The following PHLPP1 variants were observed in gnomAD, a reference collection of about 807,000 sequenced individuals.
The protein encoded by PHLPP1 is PH domain leucine-rich repeat-containing protein phosphatase 1.
In PHLPP1, 42 loss-of-function variants were observed where a neutral mutation model predicts 117.2. The ratio of observed to expected loss-of-function variants is 0.36; its 90% CI spans 0.28 to 0.46. The LOEUF (loss-of-function observed/expected upper bound fraction) is 0.46. Among genes scored for constraint, PHLPP1 ranks in the 20% least tolerant of loss-of-function variants. The pLI, the probability that PHLPP1 is intolerant of heterozygous loss-of-function variation, is 1.00. For synonymous variants in PHLPP1, 1,042 were observed against 970.7 expected (o/e 1.07, Z -1.37); for missense variants, 2,084 against 2,241.9 (o/e 0.93, Z 1.42).
intron 1 of PHLPP1, among the ~76,000 whole-genome samples, chr18:62,812,198 G>A (rs1041027886): frequency 3.9e-5 from 6 of 152,108 alleles, no homozygotes; most frequent in East Asian, 1.9e-4. Flanking sequence ...TTTTTTCACC[G>A]TTTGAAGAGA....
At chr18:62,961,800 A>G (rs1910778211) in intron 13 of PHLPP1, among the ~76,000 whole-genome samples, 1 of 152,202 alleles carries the variant, frequency 6.6e-6, no homozygotes, top group Non-Finnish European at 1.5e-5. Context: ...TATTGACACT[A>G]TGATTTATGT....
At chr18:62,887,415 A>G (rs938863080) in intron 4 of PHLPP1, among the ~76,000 whole-genome samples, 5 of 152,218 alleles carry the variant, frequency 3.3e-5, no homozygotes, top group Admixed American at 2.6e-4. Context: ...TTGGGCTGCT[A>G]TATCAATTTA....
intron 1 of PHLPP1, among the ~76,000 whole-genome samples, chr18:62,766,076 A>AAAAATATATATATATAT: frequency 6.5e-4 from 14 of 21,650 alleles, no homozygotes; most frequent in East Asian, 3.3e-3. Flanking sequence ...AAAAAAAAAA[A>AAAAATATATATATATAT]ATATATATAT....
intron 1 of PHLPP1, among the ~76,000 whole-genome samples, chr18:62,815,180 CAG>C (rs1051873345): frequency 1.4e-5 from 2 of 138,850 alleles, no homozygotes; most frequent in Admixed American, 1.5e-4. Context: ...TTTTTTTTGA[CAG>C]AGTCTTGCTC....
intron 1 of PHLPP1, among the ~76,000 whole-genome samples, chr18:62,814,481 ATTCT>A (rs1195926703): frequency 6.6e-6 from 1 of 152,204 alleles, no homozygotes; most frequent in Non-Finnish European, 1.5e-5. Context: ...AATTTAATTC[ATTCT>A]TTCTGTCACT....
chr18:62,926,919 A>G (rs114989514), intron 10 of PHLPP1, among the ~76,000 whole-genome samples: 166 of 152,234 alleles, frequency 1.1e-3, no homozygotes, highest in African/African-American at 3.6e-3. Flanking sequence ...GCTATACCCT[A>G]AGGTTTTGTG....
At position 62,980,401 on chromosome 18, in the gene PHLPP1, T is replaced by C. The variant is rs535292960; in HGVS notation, c.*970T>C. On this transcript the variant is annotated 3_prime_UTR_variant, in exon 17 of 17. Transcript: ENST00000262719. ...GAATGCACAAATGGACATGTCATAA[T>C]TTTTGTTACAATAAATATGAAATTT... The C allele has an allele frequency of 6.5e-6, 1 of 152,786 alleles. No homozygotes were observed. The highest frequency in any genetic ancestry group is 1.9e-4 in the East Asian group (1 of 5,184). The allele number at this position is 152,786 out of a possible 1,614,324, so 9.5% of individuals were successfully genotyped here. A position where few individuals can be genotyped will look rare whatever the true frequency, so the allele number is the denominator to read the frequency against.
chr18:62,828,510 C>T (rs1046320635), intron 1 of PHLPP1, among the ~76,000 whole-genome samples: 4 of 152,132 alleles, frequency 2.6e-5, no homozygotes, highest in African/African-American at 7.2e-5. Flanking sequence ...GGCCCAGCCT[C>T]AGCAAAATTT....
At chr18:62,879,401 GAT>G (rs545929352) in intron 4 of PHLPP1, among the ~76,000 whole-genome samples, 6 of 148,030 alleles carry the variant, frequency 4.1e-5, no homozygotes, top group East Asian at 2.0e-4. Flanking sequence ...TGGTATTCTG[GAT>G]ATGTGTGTGT....
At chr18:62,944,168 G>A (rs1910211106) in intron 11 of PHLPP1, among the ~76,000 whole-genome samples, 1 of 152,048 alleles carries the variant, frequency 6.6e-6, no homozygotes, top group African/African-American at 2.4e-5. Flanking sequence ...TTATGAGTCT[G>A]GATCACACTA....
In PHLPP1 at chr18:62,963,403, C is replaced by T. The variant is rs181987535; in HGVS notation, c.3491C>T (p.Thr1164Ile). The change falls in exon 14 of 17, where the codon ACA (threonine) becomes ATA (isoleucine). Residue 1164 changes from threonine (T) to isoleucine (I), a missense_variant. Transcript: ENST00000262719. ...IRCFKIDQPS[T>I]GDASGAPAVW... Reference sequence around the variant, plus strand: ...TGTTTCAAGATTGATCAGCCTTCTACAGGAGACGCTTCCGGAGCCCCAGCT... The same window carrying T: ...TGTTTCAAGATTGATCAGCCTTCTATAGGAGACGCTTCCGGAGCCCCAGCT... The T allele has an allele frequency of 4.8e-5, 77 of 1,613,392 alleles. No individual in the cohort carries two copies. The Admixed American group carries it at 1.2e-3, about 26-fold the overall frequency.
intron 3 of PHLPP1, chr18:62,842,934 G>T (rs1221950152): frequency 1.3e-5 from 2 of 152,116 alleles, no homozygotes; most frequent in Non-Finnish European, 2.9e-5. Flanking sequence ...TTTTAACCTA[G>T]CATCTAGGGA....
intron 1 of PHLPP1, among the ~76,000 whole-genome samples, chr18:62,803,823 T>A (rs925600606): frequency 1.3e-5 from 2 of 152,172 alleles, no homozygotes; most frequent in African/African-American, 4.8e-5. Context: ...ATATGAGAGT[T>A]CTTATTGCTT....
intron 2 of PHLPP1, chr18:62,837,689 T>G (rs1914945062): frequency 6.6e-6 from 1 of 151,772 alleles, no homozygotes; most frequent in Non-Finnish European, 1.5e-5. Flanking sequence ...TTTTTTTTTT[T>G]TTGGAGACAG....
chr18:62,838,437 A>G (rs1420813051), intron 2 of PHLPP1: 1 of 174,006 alleles, frequency 5.7e-6, no homozygotes, highest in Admixed American at 5.9e-5. Flanking sequence ...TTAAGTAAAA[A>G]TTCCTAAGTA....
At position 62,849,828 on chromosome 18, in the gene PHLPP1, A is replaced by ATATATAT. The variant is rs1297336371; in HGVS notation, c.1900-10607_1900-10606insTATATAT. Among the ~76,000 whole-genome samples the ATATATAT allele has an allele frequency of 5.4e-4, 14 of 26,118 alleles. 2 individuals carry two copies. The highest frequency in any genetic ancestry group is 1.5e-3 in the East Asian group (2 of 1,362). The allele number at this position is 26,118 out of a possible 152,430, so 17.1% of individuals were successfully genotyped here. The stretch of plus-strand genomic sequence containing the variant: ...AAAAAAAAAAAAAAAAAAAAAAAAA[A>ATATATAT]AAAAATATATATATCCTTTAAAGTT... On this transcript the variant is annotated intron_variant, in intron 3 of 16. Coordinates refer to ENST00000262719, the MANE Select transcript of PHLPP1 (RefSeq NM_194449.4).
intron 10 of PHLPP1, among the ~76,000 whole-genome samples, chr18:62,930,916 G>A (rs990203801): frequency 5.3e-5 from 8 of 152,040 alleles, no homozygotes; most frequent in Admixed American, 5.2e-4. Context: ...AGGGCCGGGT[G>A]CGGTGGCTCA....
chr18:62,766,103 A>ATATATATATAT lies in PHLPP1; in HGVS notation c.1576+48844_1576+48845insTATATATATAT, dbSNP rs1491171718. 1.1e-3 allele frequency among the ~76,000 whole-genome samples: 61 copies of ATATATATATAT among 53,306 alleles called. 1 individual carries two copies. Among genetic ancestry groups the ATATATATATAT allele is most frequent in the Non-Finnish European group, 2.1e-3 (54 of 25,150 alleles). The allele number at this position is 53,306 out of a possible 152,430, so 35.0% of individuals were successfully genotyped here. A position where few individuals can be genotyped will look rare whatever the true frequency, so the allele number is the denominator to read the frequency against. ...TATATATATATATATATATATATAT[A>ATATATATATAT]AAATATATATATATTTGTACAGAAA... On this transcript the variant is annotated intron_variant, in intron 1 of 16. Coordinates refer to ENST00000262719, the MANE Select transcript of PHLPP1 (RefSeq NM_194449.4).
chr18:62,896,511 G>A (rs1442702622), intron 6 of PHLPP1, among the ~76,000 whole-genome samples: 1 of 152,000 alleles, frequency 6.6e-6, no homozygotes, highest in African/African-American at 2.4e-5. Flanking sequence ...TAGCCAGGAT[G>A]GTCTCGATCT....
Sources: gnomAD v4.1 joint callset for allele counts (sites outside exome capture counted in the v4.1 genomes callset) on GRCh38, gnomAD v4.1.1 for gene constraint, MANE v1.5 for transcripts, NCBI Gene and HGNC (gene_info 2026-07-23, HGNC 2026-07-21) for gene names.